The following ADCY6 variants were observed in gnomAD, a reference collection of about 807,000 sequenced individuals.
ADCY6 encodes adenylate cyclase 6.
A neutral mutation model predicts 111.6 loss-of-function variants in ADCY6; 59 were observed. That is an observed-to-expected ratio of 0.53 (90% CI 0.43 to 0.66). The LOEUF is 0.66. ADCY6 is among the 30% of genes least tolerant of loss of function. ADCY6 has a pLI of 0.00. For missense variants in ADCY6, 1,242 were observed against 1,595.6 expected (o/e 0.78, Z 3.78); for synonymous variants, 576 against 642.9 (o/e 0.90, Z 1.57).
chr12:48,778,418 C>T lies in ADCY6; in HGVS notation c.865-161G>A, dbSNP rs898604493. 43 of 774,262 alleles carry T rather than the reference C, an allele frequency of 5.6e-5. No homozygotes were observed. The South Asian group carries it at 7.6e-4, about 14-fold the overall frequency. 48.0% of individuals were successfully genotyped at this position (774,262 alleles called of 1,614,324 possible). On this transcript the variant is annotated intron_variant, in intron 2 of 21. Transcript: ENST00000357869. Reference sequence around the variant, plus strand: ...CTGCCACCCCTGCAATATATCTCTCCCATTACCCACAGGACCCCAGATCCC... The same window carrying T: ...CTGCCACCCCTGCAATATATCTCTCTCATTACCCACAGGACCCCAGATCCC...
In ADCY6 at chr12:48,772,378, G is replaced by A. The variant is rs771331971; in HGVS notation, c.2704C>T (p.Leu902=). 32 of 1,614,080 alleles carry A rather than the reference G, an allele frequency of 2.0e-5. No individual in the cohort carries two copies. The highest frequency in any genetic ancestry group is 2.7e-5 in the Non-Finnish European group (32 of 1,180,038). The part of the protein sequence containing the change: ...VALKYMTPVI[L]LVFALALYLH... ...TACAGCGCCAGCGCAAACACCAGCA[G>A]AATCACAGGGGTCATATATTTGAGG... is the stretch of plus-strand genomic sequence containing the variant. The change falls in exon 18 of 22, where the codon CTG becomes TTG. Residue 902 remains leucine (L), a synonymous_variant. Coordinates refer to ENST00000357869, the MANE Select transcript of ADCY6 (RefSeq NM_015270.5).
rs1226627979 is a variant in ADCY6, at chr12:48,776,837, T to C, written c.1377-251A>G. Among the ~76,000 whole-genome samples the C allele has an allele frequency of 6.6e-6, 1 of 152,144 alleles. No homozygotes were observed. The highest frequency in any genetic ancestry group is 1.5e-5 in the Non-Finnish European group (1 of 68,026). ...GCTAGGAGAAGAGGAATCACTGTTA[T>C]CCCCTCTGGCCTGCACAGATGGCAT... On this transcript the variant is annotated intron_variant, in intron 6 of 21. Coordinates refer to ENST00000357869, the MANE Select transcript of ADCY6 (RefSeq NM_015270.5). The surrounding 1 kb of genome is among the most constrained non-coding windows in gnomAD (Gnocchi z 6.1).
intron 16 of ADCY6, 53 bp downstream of exon 16, chr12:48,773,416 T>C: frequency 6.3e-7 from 1 of 1,578,696 alleles, no homozygotes; most frequent in Non-Finnish European, 8.6e-7. Context: ...CACAGTGACC[T>C]AGAAAGGTGA....
At position 48,783,076 on chromosome 12, in the gene ADCY6, C is replaced by T; in HGVS notation, c.359G>A (p.Arg120His). 4 of 1,612,668 alleles carry T rather than the reference C, an allele frequency of 2.5e-6. No homozygotes were observed. The highest frequency in any genetic ancestry group is 2.2e-5 in the East Asian group (1 of 44,868). The change falls in exon 2 of 22, where the codon CGC becomes CAC. Residue 120 changes from arginine to histidine, a missense_variant. This residue lies in a region of ADCY6 where 362 missense variants were observed against 377.2 expected (regional missense o/e 0.96). Transcript: ENST00000357869. ...CGACTGGAACACCTGCACCAGACGG[C>T]GCCAGCAGGATCGCCCACTCCTGGG... ...AVPRSGRSCW[R>H]RLVQVFQSKQ...
At chr12:48,773,691 C>T (rs1235033118) in intron 15 of ADCY6, 44 bp from the exon 16 acceptor site, 2 of 1,610,424 alleles carry the variant, frequency 1.2e-6, no homozygotes, top group South Asian at 2.2e-5. Context: ...GCAGAGGCCA[C>T]AGCACCCTTG....
chr12:48,775,610 C>G, intron 10 of ADCY6, 63 bp downstream of exon 10: 1 of 1,589,114 alleles, frequency 6.3e-7, no homozygotes, highest in Non-Finnish European at 8.6e-7. Context: ...AGGAGGATCT[C>G]GGCTCCCCCC....
At chr12:48,779,859 A>G (rs1447130064) in intron 2 of ADCY6, among the ~76,000 whole-genome samples, 1 of 152,070 alleles carries the variant, frequency 6.6e-6, no homozygotes, top group African/African-American at 2.4e-5. Context: ...AAACTTTGGG[A>G]CCTCAGTTTC....
chr12:48,768,607 C>A lies in ADCY6; in HGVS notation c.3491G>T (p.Gly1164Val). ...KGEMTTYFLN[G>V]GPSS is the part of the protein sequence containing the mutation. ...TGGGCCCTGTTAACTGCTGGGGCCC[C>A]CATTGAGGAAGTAGGTGGTCATCTC... is the stretch of plus-strand genomic sequence containing the variant. The change falls in exon 22 of 22, where the codon GGG becomes GTG. Residue 1164 changes from glycine (G) to valine (V), a missense_variant. Coordinates refer to ENST00000357869, the MANE Select transcript of ADCY6 (RefSeq NM_015270.5). The A allele has an allele frequency of 1.2e-6, 2 of 1,614,108 alleles. No homozygotes were observed. The highest frequency in any genetic ancestry group is 8.5e-7 in the Non-Finnish European group (1 of 1,179,982).
At chr12:48,785,757 A>G (rs1470830963) in intron 1 of ADCY6, among the ~76,000 whole-genome samples, 1 of 152,204 alleles carries the variant, frequency 6.6e-6, no homozygotes, top group Non-Finnish European at 1.5e-5. Context: ...TCTGATCTTC[A>G]CCAAAACCCT....
Position 48,776,375 on chromosome 12 carries a change from C to A in ADCY6, c.1536-25G>T, listed in dbSNP as rs1392151793. 8.1e-6 allele frequency: 13 copies of A among 1,613,916 alleles called. No individual in the cohort carries two copies. Among genetic ancestry groups the A allele is most frequent in the African/African-American group, 2.7e-5 (2 of 74,922 alleles). ...GCTGTATGTGGCCAAGAGGGTGAGA[C>A]CCTGGCTCTCCCACCTTGCCCCCAT... On this transcript the variant is annotated intron_variant, in intron 7 of 21. Coordinates refer to ENST00000357869, the MANE Select transcript of ADCY6 (RefSeq NM_015270.5). The surrounding 1 kb of genome is among the most constrained non-coding windows in gnomAD (Gnocchi z 6.1).
chr12:48,777,293 G>T lies in ADCY6; in HGVS notation c.1249-62C>A. 6.3e-7 allele frequency: 1 copy of T among 1,592,930 alleles called. No homozygotes were observed. The highest frequency in any genetic ancestry group is 8.6e-7 in the Non-Finnish European group (1 of 1,168,734). ...ACTCTCTTGCCCACCCAGCCTGCAT[G>T]GCCCACCACCCTCCACGCATACTCT... On this transcript the variant is annotated intron_variant, in intron 5 of 21. Transcript: ENST00000357869. This position sits in a 1 kb window ranked among gnomAD's most constrained non-coding sequence, Gnocchi z 4.9.
rs1320203088 is a variant in ADCY6 at position 48,775,107 on chromosome 12, G to A, written c.1981-53C>T. ...CTGGGCCCTCCCTAAGGAAGGCAGG[G>A]ACAGCAAGGACAGGGCACTACCAGG... On this transcript the variant is annotated intron_variant, in intron 11 of 21. Coordinates refer to ENST00000357869, the MANE Select transcript of ADCY6 (RefSeq NM_015270.5). 4 of 1,490,472 alleles carry A rather than the reference G, an allele frequency of 2.7e-6. No homozygotes were observed. In the East Asian group the frequency reaches 9.8e-5, roughly 37 times the overall value. 92.3% of individuals were successfully genotyped at this position (1,490,472 alleles called of 1,614,324 possible).
At position 48,782,727 on chromosome 12, in the gene ADCY6, A is replaced by T. The variant is rs572443859; in HGVS notation, c.708T>A (p.Ser236=). The change falls in exon 2 of 22, where the codon TCT becomes TCA. Residue 236 remains serine, a synonymous_variant. Transcript: ENST00000357869. This position sits in a 1 kb window ranked among gnomAD's most constrained non-coding sequence, Gnocchi z 4.3. ...GALAADPRSP[S]AGLWCPVFFV... ...AGAACACAGGGCACCAGAGGCCCGC[A>T]GAGGGGCTGCGCGGGTCTGCTGCGA... 28 of 1,599,366 alleles carry T rather than the reference A, an allele frequency of 1.8e-5. No individual in the cohort carries two copies. The East Asian group carries it at 3.4e-4, about 19-fold the overall frequency.
At chr12:48,772,005 G>C (rs754307704) in intron 18 of ADCY6, 32 bp from the exon 19 acceptor site, 7 of 1,584,086 alleles carry the variant, frequency 4.4e-6, no homozygotes, top group African/African-American at 2.7e-5. Flanking sequence ...CCCATTGCCC[G>C]ACATTCACAA....
chr12:48,778,330 A>G (rs1250322672), intron 2 of ADCY6, 73 bp from the exon 3 acceptor site: 1 of 1,592,984 alleles, frequency 6.3e-7, no homozygotes, highest in Non-Finnish European at 8.6e-7. Context: ...ACACATTCAC[A>G]CAACTTGCTA....
rs1256485212 is a variant in ADCY6, at chr12:48,769,036, T to C, written c.3282A>G (p.Ala1094=). 1 of 1,613,198 alleles carries C rather than the reference T, an allele frequency of 6.2e-7. No individual in the cohort carries two copies. Among genetic ancestry groups the C allele is most frequent in the African/African-American group, 1.3e-5 (1 of 75,014 alleles). The change falls in exon 21 of 22, where the codon GCA becomes GCG. Residue 1094 remains alanine, a synonymous_variant. Coordinates refer to ENST00000357869, the MANE Select transcript of ADCY6 (RefSeq NM_015270.5). ...GTGGCTTCCGAGCCCCGATGACACC[T>C]GCCACGACTGGGCCCATGTTCAGCC... is the stretch of plus-strand genomic sequence containing the variant. ...KIGLNMGPVV[A]GVIGARKPQY...
At position 48,776,538 on chromosome 12, in the gene ADCY6, G is replaced by T; in HGVS notation, c.1425C>A (p.Ile475=). The stretch of plus-strand genomic sequence containing the variant: ...CGCCGCAGTGCACGCGCCCGCTGTG[G>T]ATGCCCACGCGCATGTTCACATTCA... ...TGVNVNMRVG[I]HSGRVHCGVL... Residue 475 remains isoleucine (I), a synonymous_variant, in exon 7 of 22, where the codon ATC becomes ATA. Coordinates refer to ENST00000357869, the MANE Select transcript of ADCY6 (RefSeq NM_015270.5). This position sits in a 1 kb window ranked among gnomAD's most constrained non-coding sequence, Gnocchi z 6.1. The T allele has an allele frequency of 6.2e-7, 1 of 1,613,584 alleles. No homozygotes were observed.
chr12:48,773,324 G>T, intron 16 of ADCY6, 145 bp downstream of exon 16: 1 of 893,454 alleles, frequency 1.1e-6, no homozygotes, highest in South Asian at 1.8e-5. Flanking sequence ...TCACATGCTG[G>T]GAGCTCCTCC....
chr12:48,776,699 G>A lies in ADCY6; in HGVS notation c.1377-113C>T. ...GCGGGCAAGGACAGACCCAGATGCA[G>A]GGGACGGGAGCACAGCCTTGGTTGG... On this transcript the variant is annotated intron_variant, in intron 6 of 21. Coordinates refer to ENST00000357869, the MANE Select transcript of ADCY6 (RefSeq NM_015270.5). This position sits in a 1 kb window ranked among gnomAD's most constrained non-coding sequence, Gnocchi z 6.1. The A allele has an allele frequency of 2.2e-6, 3 of 1,352,882 alleles. No homozygotes were observed. Among genetic ancestry groups the A allele is most frequent in the Non-Finnish European group, 3.0e-6 (3 of 1,012,648 alleles). The allele number at this position is 1,352,882 out of a possible 1,614,324, so 83.8% of individuals were successfully genotyped here. A position where few individuals can be genotyped will look rare whatever the true frequency, so the allele number is the denominator to read the frequency against.
Sources: allele counts gnomAD v4.1 joint callset (sites outside exome capture counted in the v4.1 genomes callset), GRCh38; gene constraint gnomAD v4.1.1; regional missense constraint gnomAD v4.1.1; non-coding constraint Gnocchi (gnomAD v3.1); transcripts MANE v1.5; gene names NCBI Gene and HGNC (gene_info 2026-07-23, HGNC 2026-07-21).